GSC2: variants seen among roughly 807,000 people sequenced by gnomAD.
The protein encoded by GSC2 is homeobox protein goosecoid-2.
A neutral mutation model predicts 11.3 loss-of-function variants in GSC2; 12 were observed. The ratio of observed to expected loss-of-function variants is 1.06; its 90% CI spans 0.68 to 1.72. GSC2 has a LOEUF of 1.72. Among genes scored for constraint, GSC2 ranks in the 40% most tolerant of loss-of-function variants. The pLI is 0.00. For missense variants in GSC2, 310 were observed against 235.7 expected, an observed-to-expected ratio of 1.32 and a Z score of -2.06; for synonymous variants, 148 against 110.0, an observed-to-expected ratio of 1.35 and a Z score of -2.16.
intron 2 of GSC2, 103 bp from the exon 3 acceptor site, chr22:19,149,198 G>A (rs2083811002): frequency 4.3e-6 from 3 of 700,928 alleles, no homozygotes; most frequent in South Asian, 2.1e-5. Flanking sequence ...ACAGGGATGT[G>A]GGCGGACGGC....
At chr22:19,149,303 C>CT (rs1339199274) in intron 2 of GSC2, among the ~76,000 whole-genome samples, 1 of 152,224 alleles carries the variant, frequency 6.6e-6, no homozygotes, top group Non-Finnish European at 1.5e-5. Context: ...TGGGAACCCC[C>CT]TTAGTACCCG....
At chr22:19,149,127 C>T in intron 2 of GSC2, 32 bp from the exon 3 acceptor site, 7 of 1,322,900 alleles carry the variant, frequency 5.3e-6, no homozygotes, top group Non-Finnish European at 5.2e-6. Flanking sequence ...AGCCCTAGCC[C>T]CAGGTCCTGC....
At chr22:19,149,983 C>T in intron 1 of GSC2, 42 bp downstream of exon 1, 2 of 1,129,130 alleles carry the variant, frequency 1.8e-6, no homozygotes, top group Non-Finnish European at 2.2e-6. Flanking sequence ...CGCCGCGCCC[C>T]GGGCTCCGCC....
Position 19,149,692 on chromosome 22 carries a change from G to C in GSC2, c.484C>G (p.Arg162Gly). The C allele has an allele frequency of 6.4e-7, 1 of 1,565,564 alleles. No homozygotes were observed. The highest frequency in any genetic ancestry group is 8.6e-7 in the Non-Finnish European group (1 of 1,159,544). Residue 162 changes from arginine to glycine, a missense_variant, in exon 2 of 3, where the codon CGC (arginine) becomes GGC (glycine). Transcript: ENST00000086933. ...DVSTRERLAG[R>G]IRLREERVEV... ...ACGCGCTCCTCGCGAAGGCGGATGC[G>C]GCCGGCCAGGCGCTCGCGCGTACTC...
In GSC2 at chr22:19,150,098, C is replaced by A; in HGVS notation, c.186G>T (p.Ala62=). Residue 62 remains alanine, a synonymous_variant, in exon 1 of 3, where the codon GCG becomes GCT. Coordinates refer to ENST00000086933, the MANE Select transcript of GSC2 (RefSeq NM_005315.2). The part of the protein sequence containing the change: ...KPEEPGAPEA[A]PCACCCCCGP... Reference sequence around the variant, plus strand: ...CGCAGCAGCAGCAGCAGGCGCAGGGCGCAGCCTCGGGCGCCCCGGGCTCCT... The same window carrying A: ...CGCAGCAGCAGCAGCAGGCGCAGGGAGCAGCCTCGGGCGCCCCGGGCTCCT... 1 of 1,003,960 alleles carries A rather than the reference C, an allele frequency of 1.0e-6. No individual in the cohort carries two copies. The highest frequency in any genetic ancestry group is 1.2e-6 in the Non-Finnish European group (1 of 843,346). 62.2% of individuals were successfully genotyped at this position (1,003,960 alleles called of 1,614,324 possible).
In GSC2 at chr22:19,148,899, C is replaced by G; in HGVS notation, c.*92G>C. ...GGTGGAGGCGGCCGGTGTACTCTCC[C>G]AGCTCCTTTTCGGGTAGACCTGTCT... On this transcript the variant is annotated 3_prime_UTR_variant, in exon 3 of 3. Coordinates refer to ENST00000086933, the MANE Select transcript of GSC2 (RefSeq NM_005315.2). 1.3e-6 allele frequency: 1 copy of G among 749,342 alleles called. No homozygotes were observed. Among genetic ancestry groups the G allele is most frequent in the Non-Finnish European group, 2.2e-6 (1 of 450,460 alleles). 46.4% of individuals were successfully genotyped at this position (749,342 alleles called of 1,614,324 possible). A position where few individuals can be genotyped will look rare whatever the true frequency, so the allele number is the denominator to read the frequency against.
At chr22:19,149,366 C>T (rs1555917946) in intron 2 of GSC2, among the ~76,000 whole-genome samples, 3 of 152,256 alleles carry the variant, frequency 2.0e-5, no homozygotes, top group South Asian at 2.1e-4. Flanking sequence ...GTTGCGGGCT[C>T]TTCTGAATTT....
rs2275901 is a variant in GSC2, at chr22:19,148,090, G to A, written c.*901C>T. Among the ~76,000 whole-genome samples the A allele has an allele frequency of 0.31, 46,619 of 151,978 alleles. 7,697 individuals carry two copies. Among genetic ancestry groups the A allele is most frequent in the East Asian group, 0.45 (2,313 of 5,146 alleles). On this transcript the variant is annotated 3_prime_UTR_variant, in exon 3 of 3. Coordinates refer to ENST00000086933, the MANE Select transcript of GSC2 (RefSeq NM_005315.2). ...CACAGATTGCTGTGAGGGAGTCCGA[G>A]CCCACAGCATGAAAACCCCAGGAGG...
chr22:19,150,217 C>G lies in GSC2; in HGVS notation c.67G>C (p.Glu23Gln). Residue 23 changes from glutamate (E) to glutamine (Q), a missense_variant, in exon 1 of 3, where the codon GAG (glutamate) becomes CAG (glutamine). Physicochemically the swap from Glu to Gln is conservative, Grantham distance 29. Transcript: ENST00000086933. ...GAGRPCPFSI[E>Q]HILSSLPERS... is the part of the protein sequence containing the mutation. ...TCGGGCAGGCTGGAGAGGATGTGCT[C>G]GATGGAGAAGGGGCAGGGCCGCCCG... The G allele has an allele frequency of 2.7e-6, 1 of 375,342 alleles. No individual in the cohort carries two copies. Among genetic ancestry groups the G allele is most frequent in the South Asian group, 5.3e-5 (1 of 18,966 alleles). The allele number at this position is 375,342 out of a possible 1,614,324, so 23.3% of individuals were successfully genotyped here.
rs1323000417 is a variant in GSC2 at position 19,149,828 on chromosome 22, G to C, written c.348C>G (p.Gly116=). The change falls in exon 2 of 3, where the codon GGC becomes GGG. Residue 116 remains glycine, a synonymous_variant. Coordinates refer to ENST00000086933, the MANE Select transcript of GSC2 (RefSeq NM_005315.2). The stretch of plus-strand genomic sequence containing the variant: ...GCCGCTGCGAACCCGGGCCGACCGC[G>C]CCCGGGAGCGCCCCGGAACCTCCGG... ...APAGGSGALP[G]AVGPGSQRRT... 1.3e-6 allele frequency: 2 copies of C among 1,552,918 alleles called. No homozygotes were observed. The highest frequency in any genetic ancestry group is 8.7e-7 in the Non-Finnish European group (1 of 1,153,820).
chr22:19,149,599 A>G (rs1362931618), intron 2 of GSC2, 64 bp downstream of exon 2: 6 of 1,409,614 alleles, frequency 4.3e-6, no homozygotes, highest in Non-Finnish European at 4.6e-6. Context: ...CCCGCCCGCC[A>G]GGACCCCAGT....
At chr22:19,149,491 C>A (rs536717197) in intron 2 of GSC2, among the ~76,000 whole-genome samples, 172 bp downstream of exon 2, 1 of 152,244 alleles carries the variant, frequency 6.6e-6, no homozygotes, top group African/African-American at 2.4e-5. Context: ...TGCTCTCACC[C>A]GCTCCTCATA....
At position 19,149,740 on chromosome 22, in the gene GSC2, C is replaced by T. The variant is rs1555918068; in HGVS notation, c.436G>A (p.Val146Met). 1.3e-6 allele frequency: 2 copies of T among 1,594,482 alleles called. No homozygotes were observed. The highest frequency in any genetic ancestry group is 1.7e-6 in the Non-Finnish European group (2 of 1,172,376). The change falls in exon 2 of 3, where the codon GTG becomes ATG. Residue 146 changes from valine (V) to methionine (M), a missense_variant. Physicochemically the swap from Val to Met is conservative, Grantham distance 21 (BLOSUM62 1). Transcript: ENST00000086933. ...CTCACGTCAGGATACTGGTTCTGCA[C>T]GAAAAGCGCCTCGAGCGCCTGCAGC... ...EQLQALEALF[V>M]QNQYPDVSTR...
rs948780123 is a variant in GSC2, at chr22:19,148,726, G to C, written c.*265C>G. On this transcript the variant is annotated 3_prime_UTR_variant, in exon 3 of 3. Coordinates refer to ENST00000086933, the MANE Select transcript of GSC2 (RefSeq NM_005315.2). ...TCCTGCGGTGGAGTTAGTGTCTCTC[G>C]GGGGGTAGGGAGCTGAGGAAACTGC... 9.0e-6 allele frequency: 4 copies of C among 443,534 alleles called. No individual in the cohort carries two copies. Among genetic ancestry groups the C allele is most frequent in the Admixed American group, 4.2e-5 (1 of 23,902 alleles). 27.5% of individuals were successfully genotyped at this position (443,534 alleles called of 1,614,324 possible).
rs1026156417 is a variant in GSC2 at position 19,147,079 on chromosome 22, G to A, written c.*1912C>T. On this transcript the variant is annotated 3_prime_UTR_variant, in exon 3 of 3. Coordinates refer to ENST00000086933, the MANE Select transcript of GSC2 (RefSeq NM_005315.2). ...TGGGTATAGTGGATGATCAGGAGAGGGAGGGGTCCAGGGACCAGTTTCGGG... is the reference window on the plus strand; with the variant it reads ...TGGGTATAGTGGATGATCAGGAGAGAGAGGGGTCCAGGGACCAGTTTCGGG... 2.0e-5 allele frequency among the ~76,000 whole-genome samples: 3 copies of A among 152,176 alleles called. No individual in the cohort carries two copies. In the South Asian group the frequency reaches 6.2e-4, roughly 31 times the overall value.
In GSC2 at chr22:19,149,090, C is replaced by T. The variant is rs1555917856; in HGVS notation, c.519G>A (p.Trp173Ter). 3 of 1,579,432 alleles carry T rather than the reference C, an allele frequency of 1.9e-6. No individual in the cohort carries two copies. The South Asian group carries it at 3.5e-5, about 18-fold the overall frequency. ...GCCATTTGGCCCGGCGGTTCTTGAACCAGACCTGGGGATGGGGGGAATGCT... is the reference window on the plus strand; with the variant it reads ...GCCATTTGGCCCGGCGGTTCTTGAATCAGACCTGGGGATGGGGGGAATGCT... ...IRLREERVEV[W>*]FKNRRAKWRH... The change falls in exon 3 of 3, where the codon TGG becomes TGA. Residue 173 changes from tryptophan to a stop codon, truncating the protein, a stop_gained. Transcript: ENST00000086933. LOFTEE classifies it high-confidence loss of function.
chr22:19,149,023 C>A lies in GSC2; in HGVS notation c.586G>T (p.Gly196Cys). The A allele has an allele frequency of 6.2e-7, 1 of 1,600,910 alleles. No individual in the cohort carries two copies. The highest frequency in any genetic ancestry group is 1.7e-4 in the Middle Eastern group (1 of 6,030). ...RASASARLLPGVKKSPKGSC is the reference protein window; with the variant it reads ...RASASARLLPCVKKSPKGSC ...CTCCCCTTCGGGGACTTCTTGACGC[C>A]GGGCAGGAGCCTCGCGGAAGCCGAC... The change falls in exon 3 of 3, where the codon GGC becomes TGC. Residue 196 changes from glycine (G) to cysteine (C), a missense_variant. Transcript: ENST00000086933.
rs1395426855 is a variant in GSC2 at position 19,148,328 on chromosome 22, G to C, written c.*663C>G. 6.6e-6 allele frequency among the ~76,000 whole-genome samples: 1 copy of C among 152,218 alleles called. No individual in the cohort carries two copies. Among genetic ancestry groups the C allele is most frequent in the Non-Finnish European group, 1.5e-5 (1 of 68,032 alleles). On this transcript the variant is annotated 3_prime_UTR_variant, in exon 3 of 3. Coordinates refer to ENST00000086933, the MANE Select transcript of GSC2 (RefSeq NM_005315.2). ...AAGGAAGAAGAAGGGACAGCTCCTT[G>C]TTGGGTGTGGGAGTGGAGCCAAGGT...
rs1555917812 is a variant in GSC2, at chr22:19,148,953, A to G, written c.*38T>C. Reference sequence around the variant, plus strand: ...CTCAGCGCCAACTCCAAAGATCCCAAAAAGGGTGGCCGAGCCCAGGGGCAG... The same window carrying G: ...CTCAGCGCCAACTCCAAAGATCCCAGAAAGGGTGGCCGAGCCCAGGGGCAG... On this transcript the variant is annotated 3_prime_UTR_variant, in exon 3 of 3. Transcript: ENST00000086933. The G allele has an allele frequency of 2.3e-6, 3 of 1,283,820 alleles. No homozygotes were observed. The highest frequency in any genetic ancestry group is 5.1e-5 in the East Asian group (2 of 38,926). The allele number at this position is 1,283,820 out of a possible 1,614,324, so 79.5% of individuals were successfully genotyped here.
Sources: allele counts gnomAD v4.1 joint callset (sites outside exome capture counted in the v4.1 genomes callset), GRCh38; gene constraint gnomAD v4.1.1; transcripts MANE v1.5; gene names NCBI Gene and HGNC (gene_info 2026-07-23, HGNC 2026-07-21).